The following PRDM16 variants were observed in gnomAD, a reference collection of about 807,000 sequenced individuals.
PRDM16 encodes histone-lysine N-methyltransferase PRDM16.
A neutral mutation model predicts 110.6 loss-of-function variants in PRDM16; 23 were observed. That is an observed-to-expected ratio of 0.21 (90% CI 0.15 to 0.29). PRDM16 has a LOEUF of 0.29. PRDM16 is among the 10% of genes least tolerant of loss of function. The pLI is 1.00. For missense variants in PRDM16, 1,615 were observed against 1,794.3 expected (o/e 0.90, Z 1.81); for synonymous variants, 799 against 781.8 (o/e 1.02, Z -0.37).
At chr1:3,278,949 T>A (rs906522353) in intron 3 of PRDM16, among the ~76,000 whole-genome samples, 3 of 152,172 alleles carry the variant, frequency 2.0e-5, no homozygotes, top group Non-Finnish European at 4.4e-5. Flanking sequence ...GCCCTGGAGA[T>A]CCGTGGAGCC....
At chr1:3,363,458 G>A (rs190527345) in intron 3 of PRDM16, among the ~76,000 whole-genome samples, 59 of 152,306 alleles carry the variant, frequency 3.9e-4, no homozygotes, top group Middle Eastern at 3.4e-3. Context: ...GGATCCCGGT[G>A]AGCACGGGGG....
chr1:3,114,283 CGCAGTGGAA>C (rs1642882328), intron 1 of PRDM16, among the ~76,000 whole-genome samples: 1 of 143,226 alleles, frequency 7.0e-6, no homozygotes, highest in Non-Finnish European at 1.5e-5. Flanking sequence ...CACGCACACA[CGCAGTGGAA>C]ACGCACACGC....
At chr1:3,236,074 G>A (rs1418229881) in intron 2 of PRDM16, among the ~76,000 whole-genome samples, 2 of 152,154 alleles carry the variant, frequency 1.3e-5, no homozygotes, top group Admixed American at 1.3e-4. Flanking sequence ...CAGAGAGCAG[G>A]CATCCCTGCA....
rs1195021816 is a variant in PRDM16 at position 3,128,689 on chromosome 1, C to G, written c.38-57436C>G. Among the ~76,000 whole-genome samples, 3 of 62,832 alleles carry G rather than the reference C, an allele frequency of 4.8e-5. No individual in the cohort carries two copies. In the Admixed American group the frequency reaches 5.1e-4, roughly 11 times the overall value. 41.2% of individuals were successfully genotyped at this position (62,832 alleles called of 152,430 possible). On this transcript the variant is annotated intron_variant, in intron 1 of 16. Coordinates refer to ENST00000270722, the MANE Select transcript of PRDM16 (RefSeq NM_022114.4). Reference sequence around the variant, plus strand: ...GTTCCTCCCACCATGCTACTGGAGACCATCCCACCATGCTACTGGAGACCA... The same window carrying G: ...GTTCCTCCCACCATGCTACTGGAGAGCATCCCACCATGCTACTGGAGACCA...
At chr1:3,328,043 G>T (rs1641956238) in intron 3 of PRDM16, among the ~76,000 whole-genome samples, 1 of 152,250 alleles carries the variant, frequency 6.6e-6, no homozygotes, top group Non-Finnish European at 1.5e-5. Flanking sequence ...CCCACAGGAG[G>T]GAAGACCTGG....
chr1:3,074,012 GT>G (rs1188162654), intron 1 of PRDM16, among the ~76,000 whole-genome samples: 1 of 152,218 alleles, frequency 6.6e-6, no homozygotes, highest in Non-Finnish European at 1.5e-5. Flanking sequence ...CGCCGCCTGG[GT>G]TTAAGTAGGG....
intron 3 of PRDM16, among the ~76,000 whole-genome samples, chr1:3,321,901 T>G (rs1641762206): frequency 6.6e-6 from 1 of 151,714 alleles, no homozygotes; most frequent in Non-Finnish European, 1.5e-5. Context: ...TTTGTGTTTG[T>G]AGGAGCACGT....
intron 1 of PRDM16, among the ~76,000 whole-genome samples, chr1:3,153,493 C>T (rs1395873896): frequency 6.6e-6 from 1 of 152,190 alleles, no homozygotes; most frequent in Admixed American, 6.5e-5. Context: ...CCAGGCTGGA[C>T]CAGAGCGGGG....
chr1:3,274,096 A>G (rs2100299411), intron 3 of PRDM16, among the ~76,000 whole-genome samples: 1 of 152,318 alleles, frequency 6.6e-6, no homozygotes, highest in South Asian at 2.1e-4. Context: ...GTCCCTAAGA[A>G]AGAAGGGAGG....
rs1557508040 is a variant in PRDM16, at chr1:3,181,126, A to ACACACGCGCCTTACACACGCG, written c.38-4999_38-4998insCACACGCGCCTTACACACGCG. Among the ~76,000 whole-genome samples the ACACACGCGCCTTACACACGCG allele has an allele frequency of 1.2e-4, 15 of 127,824 alleles. 2 individuals are homozygous for ACACACGCGCCTTACACACGCG. The highest frequency in any genetic ancestry group is 4.4e-4 in the African/African-American group (15 of 34,098). The allele number at this position is 127,824 out of a possible 152,430, so 83.9% of individuals were successfully genotyped here. ...GTCTTACACGCGGCCTTACACACGC[A>ACACACGCGCCTTACACACGCG]GTCTTACACGCGGTCTTACACACGC... On this transcript the variant is annotated intron_variant, in intron 1 of 16. Coordinates refer to ENST00000270722, the MANE Select transcript of PRDM16 (RefSeq NM_022114.4).
At chr1:3,138,446 C>T (rs555252476) in intron 1 of PRDM16, among the ~76,000 whole-genome samples, 22 of 152,352 alleles carry the variant, frequency 1.4e-4, no homozygotes, top group African/African-American at 5.0e-4. Context: ...CCGGAGCCGG[C>T]GTTGGGGTCT....
chr1:3,399,429 A>G (rs573434187), intron 5 of PRDM16, among the ~76,000 whole-genome samples: 3 of 152,078 alleles, frequency 2.0e-5, no homozygotes, highest in Non-Finnish European at 2.9e-5. Flanking sequence ...CATGAGCCCC[A>G]GGGGTGTATT....
chr1:3,301,436 G>A (rs1176110152), intron 3 of PRDM16, among the ~76,000 whole-genome samples: 2 of 152,196 alleles, frequency 1.3e-5, no homozygotes, highest in Non-Finnish European at 2.9e-5. Flanking sequence ...TGTAGTTGGG[G>A]ATATGTGCTT....
chr1:3,092,606 C>G (rs1312467975), intron 1 of PRDM16, among the ~76,000 whole-genome samples: 13 of 152,198 alleles, frequency 8.5e-5, no homozygotes, highest in Non-Finnish European at 1.9e-4. Context: ...CACTGCATCC[C>G]CCTCAGGCTG....
intron 3 of PRDM16, among the ~76,000 whole-genome samples, chr1:3,311,396 C>A (rs117823241): frequency 6.6e-6 from 1 of 152,164 alleles, no homozygotes; most frequent in Non-Finnish European, 1.5e-5. Flanking sequence ...GAAACCTGCC[C>A]GTGCATTGGT....
At chr1:3,193,853 C>G (rs2651913) in intron 2 of PRDM16, among the ~76,000 whole-genome samples, 148,265 of 152,290 alleles carry the variant, frequency 0.97, 72,188 homozygotes, top group East Asian at 1. Context: ...ACTGTGTGTT[C>G]GTGTTGCCTG....
intron 1 of PRDM16, among the ~76,000 whole-genome samples, chr1:3,095,878 A>G (rs993331048): frequency 6.6e-6 from 1 of 152,064 alleles, no homozygotes; most frequent in Admixed American, 6.5e-5. Flanking sequence ...CCTCATGCTC[A>G]GAGGGTGGCC....
chr1:3,336,979 G>A (rs1642170917), intron 3 of PRDM16, among the ~76,000 whole-genome samples: 1 of 151,232 alleles, frequency 6.6e-6, no homozygotes, highest in Non-Finnish European at 1.5e-5. Context: ...ATATGTGTTG[G>A]TGTGAATCTG....
rs1638928653 is a variant in PRDM16 at position 3,437,072 on chromosome 1, G to A, written c.*3261G>A. The A allele has an allele frequency of 4.3e-6, 1 of 232,720 alleles. No individual in the cohort carries two copies. The highest frequency in any genetic ancestry group is 8.5e-6 in the Non-Finnish European group (1 of 117,844). 14.4% of individuals were successfully genotyped at this position (232,720 alleles called of 1,614,324 possible). A position where few individuals can be genotyped will look rare whatever the true frequency, so the allele number is the denominator to read the frequency against. On this transcript the variant is annotated 3_prime_UTR_variant, in exon 17 of 17. Coordinates refer to ENST00000270722, the MANE Select transcript of PRDM16 (RefSeq NM_022114.4). ...GGGCCTGGCAGACCCTTCATGAGTG[G>A]GACCCAAGATATCACTGACTTCAAC...
Sources: allele counts gnomAD v4.1 joint callset (sites outside exome capture counted in the v4.1 genomes callset), GRCh38; gene constraint gnomAD v4.1.1; transcripts MANE v1.5; gene names NCBI Gene and HGNC (gene_info 2026-07-23, HGNC 2026-07-21).